Variants in HSD17B3 observed in about 807,000 individuals in gnomAD.
HSD17B3 encodes hydroxysteroid 17-beta dehydrogenase 3, also known as 17-beta-hydroxysteroid dehydrogenase type 3.
In HSD17B3, 29 loss-of-function variants were observed where a neutral mutation model predicts 41.1. The ratio of observed to expected loss-of-function variants is 0.71; its 90% confidence interval spans 0.53 to 0.96. The LOEUF (loss-of-function observed/expected upper bound fraction) is 0.96, where lower values mean the gene tolerates loss of function less well. Ranked by LOEUF, HSD17B3 falls within the 40% of genes least tolerant of loss-of-function variation. HSD17B3 has a pLI of 0.00. For missense variants in HSD17B3, 323 were observed against 374.6 expected (o/e 0.86, Z 1.14); for synonymous variants, 126 against 145.6 (o/e 0.87, Z 0.97).
intron 2 of HSD17B3, among the ~76,000 whole-genome samples, chr9:96,268,590 C>T (rs927020118): frequency 2.6e-5 from 4 of 152,098 alleles, no homozygotes; most frequent in Non-Finnish European, 5.9e-5. Context: ...TCCAAAATTA[C>T]ACAATCTTTT....
chr9:96,253,605 T>C (rs1186520385), intron 3 of HSD17B3, among the ~76,000 whole-genome samples: 1 of 152,188 alleles, frequency 6.6e-6, no homozygotes, highest in Non-Finnish European at 1.5e-5. Context: ...CCACGTTCAA[T>C]GCGCTCCCCA....
rs10639457 is a variant in HSD17B3, at chr9:96,242,005, G to GAA, written c.673-1099_673-1098insTT. Among the ~76,000 whole-genome samples, 321 of 68,510 alleles carry GAA rather than the reference G, an allele frequency of 4.7e-3. 4 individuals carry two copies. The highest frequency in any genetic ancestry group is 0.017 in the African/African-American group (286 of 17,064). The allele number at this position is 68,510 out of a possible 152,430, so 44.9% of individuals were successfully genotyped here. On this transcript the variant is annotated intron_variant, in intron 9 of 10. Transcript: ENST00000375263. Reference sequence around the variant, plus strand: ...AGAAAGAAAGAAAGAAAGAAAGAAAGAGAAAGAAAAGAAAGAAAAGAAAAA... The same window carrying GAA: ...AGAAAGAAAGAAAGAAAGAAAGAAAGAAAGAAAGAAAAGAAAGAAAAGAAAAA...
chr9:96,297,179 A>AT (rs1229231342), intron 2 of HSD17B3, among the ~76,000 whole-genome samples: 3 of 151,804 alleles, frequency 2.0e-5, no homozygotes, highest in Non-Finnish European at 4.4e-5. Context: ...AGAATGTGGT[A>AT]TTTTTTTCTC....
chr9:96,261,219 A>AGG (rs1825844818), intron 2 of HSD17B3, among the ~76,000 whole-genome samples: 1 of 152,116 alleles, frequency 6.6e-6, no homozygotes, highest in African/African-American at 2.4e-5. Context: ...TCTGCTGCCA[A>AGG]GACTTGGTTC....
chr9:96,274,756 G>A (rs1190461067), intron 2 of HSD17B3, among the ~76,000 whole-genome samples: 25 of 152,062 alleles, frequency 1.6e-4, no homozygotes, highest in Admixed American at 1.6e-3. Context: ...AGATTTATGG[G>A]ACATAAACAA....
At chr9:96,255,363 A>AT in intron 2 of HSD17B3, among the ~76,000 whole-genome samples, 1 of 46,370 alleles carries the variant, frequency 2.2e-5, no homozygotes, top group Non-Finnish European at 4.9e-5. Flanking sequence ...CTGCCCCAAC[A>AT]TTTCTTTTTT....
intron 2 of HSD17B3, among the ~76,000 whole-genome samples, chr9:96,257,491 GGTTT>G (rs1587736197): frequency 6.6e-6 from 1 of 151,536 alleles, no homozygotes; most frequent in East Asian, 2.0e-4. Flanking sequence ...TAGAAATAAA[GGTTT>G]GTTTTGTGGG....
chr9:96,281,615 C>T (rs186404491), intron 2 of HSD17B3, among the ~76,000 whole-genome samples: 1 of 152,292 alleles, frequency 6.6e-6, no homozygotes, highest in Admixed American at 6.5e-5. Context: ...ATGTTAACTG[C>T]TTTTCTCTTT....
Position 96,251,418 on chromosome 9 carries a change from C to A in HSD17B3, c.453G>T (p.Gln151His). Residue 151 changes from glutamine to histidine, a missense_variant and splice_region_variant, in exon 5 of 11, where the codon CAG becomes CAT. Gln to His is a conservative substitution (Grantham distance 24). Transcript: ENST00000375263. ...SHFLNAPDEIQSLIHCNITSV... is the reference protein window; with the variant it reads ...SHFLNAPDEIHSLIHCNITSV... ...TATACACAGAAGAGCACAAGTCTAC[C>A]TGGATTTCATCCGGTGCGTTCAGGA... The A allele has an allele frequency of 6.2e-7, 1 of 1,613,652 alleles. No homozygotes were observed. The highest frequency in any genetic ancestry group is 2.2e-5 in the East Asian group (1 of 44,886).
chr9:96,262,792 TC>T (rs1345608805), intron 2 of HSD17B3, among the ~76,000 whole-genome samples: 1 of 152,198 alleles, frequency 6.6e-6, no homozygotes, highest in Non-Finnish European at 1.5e-5. Flanking sequence ...TTGCTTCCAT[TC>T]CTTTTCTTTT....
intron 2 of HSD17B3, among the ~76,000 whole-genome samples, chr9:96,283,759 G>A (rs1192202883): frequency 5.9e-5 from 9 of 152,014 alleles, no homozygotes; most frequent in Middle Eastern, 3.2e-3. Flanking sequence ...TTGGAAGATG[G>A]TTTATAACTA....
intron 9 of HSD17B3, among the ~76,000 whole-genome samples, chr9:96,241,288 C>T (rs1836430653): frequency 6.6e-6 from 1 of 152,212 alleles, no homozygotes; most frequent in Admixed American, 6.5e-5. Context: ...CCAAGTATTG[C>T]ATGGGACATA....
chr9:96,242,002 A>AAAGAAAGAAAGAAAGG, intron 9 of HSD17B3, among the ~76,000 whole-genome samples: 1 of 147,426 alleles, frequency 6.8e-6, no homozygotes, highest in Non-Finnish European at 1.5e-5. Flanking sequence ...AGAAAGAAAG[A>AAAGAAAGAAAGAAAGG]AAGAGAAAGA....
intron 9 of HSD17B3, 163 bp downstream of exon 9, chr9:96,244,166 C>A: frequency 1.3e-6 from 1 of 768,268 alleles, no homozygotes. Context: ...CAAAAGCCCA[C>A]GTGGCATCCC....
At chr9:96,249,971 A>C in intron 5 of HSD17B3, 185 bp from the exon 6 acceptor site, 1 of 1,492,878 alleles carries the variant, frequency 6.7e-7, no homozygotes, top group South Asian at 1.3e-5. Context: ...GAAACATCTG[A>C]CTCCCATTCT....
At chr9:96,298,527 C>G in intron 1 of HSD17B3, 65 bp from the exon 2 acceptor site, 2 of 1,361,312 alleles carry the variant, frequency 1.5e-6, no homozygotes. Context: ...TCTCACTGGC[C>G]ACGTTTTCTC....
intron 2 of HSD17B3, among the ~76,000 whole-genome samples, chr9:96,275,175 G>C (rs1826402275): frequency 6.6e-6 from 1 of 151,864 alleles, no homozygotes; most frequent in African/African-American, 2.4e-5. Flanking sequence ...GTGTTTCCCA[G>C]ACAAAAACTG....
chr9:96,252,102 G>A (rs1398059384), intron 4 of HSD17B3, among the ~76,000 whole-genome samples: 2 of 141,522 alleles, frequency 1.4e-5, no homozygotes, highest in East Asian at 3.9e-4. Flanking sequence ...AAGAAAGAGA[G>A]TCAATTCTCA....
At chr9:96,251,343 G>T in intron 5 of HSD17B3, 75 bp downstream of exon 5, 1 of 1,270,158 alleles carries the variant, frequency 7.9e-7, no homozygotes, top group Non-Finnish European at 1.2e-6. Context: ...GCCTTCCCAG[G>T]CCTGACTCAT....
Sources: allele counts gnomAD v4.1 joint callset (sites outside exome capture counted in the v4.1 genomes callset), GRCh38; gene constraint gnomAD v4.1.1; transcripts MANE v1.5; gene names NCBI Gene and HGNC (gene_info 2026-07-23, HGNC 2026-07-21).